The following NSMCE2 variants were observed in gnomAD, a reference collection of about 807,000 sequenced individuals.
NSMCE2 encodes E3 SUMO-protein ligase NSE2.
NSMCE2 carries 24 observed loss-of-function variants against 23.8 expected under a neutral mutation model. The ratio of observed to expected loss-of-function variants is 1.01; its 90% CI spans 0.73 to 1.42. The LOEUF is 1.42. Among genes scored for constraint, NSMCE2 ranks in the 40% most tolerant of loss-of-function variants. NSMCE2 has a pLI of 0.00. For missense variants in NSMCE2, 284 were observed against 296.5 expected (o/e 0.96, Z 0.31); for synonymous variants, 92 against 94.1 (o/e 0.98, Z 0.13).
At chr8:125,207,721 G>A (rs542818843) in intron 5 of NSMCE2, among the ~76,000 whole-genome samples, 6 of 152,288 alleles carry the variant, frequency 3.9e-5, no homozygotes, top group East Asian at 3.9e-4. Flanking sequence ...GTCTTCTGCC[G>A]GTTAGGAGGG....
chr8:125,356,839 CTT>C (rs1049955099), intron 5 of NSMCE2, among the ~76,000 whole-genome samples: 9 of 152,152 alleles, frequency 5.9e-5, no homozygotes, highest in Admixed American at 5.2e-4. Flanking sequence ...TTCTTCATCT[CTT>C]TTAATCTTTG....
At chr8:125,191,406 T>C (rs1358175402) in intron 5 of NSMCE2, among the ~76,000 whole-genome samples, 2 of 152,060 alleles carry the variant, frequency 1.3e-5, no homozygotes, top group African/African-American at 4.8e-5. Context: ...CATTCATTTC[T>C]TGGAAAAAAA....
chr8:125,102,694 A>G (rs1430912744), intron 3 of NSMCE2, among the ~76,000 whole-genome samples: 1 of 152,200 alleles, frequency 6.6e-6, no homozygotes. Flanking sequence ...GTTAAGTTCC[A>G]TGAGAAACTG....
chr8:125,178,230 TA>T (rs1215424773), intron 4 of NSMCE2, among the ~76,000 whole-genome samples: 1 of 152,190 alleles, frequency 6.6e-6, no homozygotes, highest in Non-Finnish European at 1.5e-5. Flanking sequence ...CTCAGTTCTA[TA>T]ACCTGGCCTC....
intron 4 of NSMCE2, among the ~76,000 whole-genome samples, chr8:125,180,406 A>G (rs1822746180): frequency 6.6e-6 from 1 of 152,244 alleles, no homozygotes; most frequent in South Asian, 2.1e-4. Flanking sequence ...ACTAAAATAT[A>G]AATTTTACAC....
chr8:125,354,709 C>T (rs896621255), intron 5 of NSMCE2, among the ~76,000 whole-genome samples: 2 of 152,202 alleles, frequency 1.3e-5, no homozygotes, highest in African/African-American at 4.8e-5. Flanking sequence ...ATATACCAGT[C>T]TACTCCAAGA....
At chr8:125,206,935 G>A (rs1824140531) in intron 5 of NSMCE2, among the ~76,000 whole-genome samples, 1 of 152,144 alleles carries the variant, frequency 6.6e-6, no homozygotes, top group African/African-American at 2.4e-5. Context: ...CTGCAGTGAG[G>A]GGAGAAGGAC....
chr8:125,355,911 C>G (rs1318623749), intron 5 of NSMCE2, among the ~76,000 whole-genome samples: 2 of 152,104 alleles, frequency 1.3e-5, no homozygotes, highest in Non-Finnish European at 2.9e-5. Context: ...GCAGCTCATG[C>G]TCTGTTCAAA....
chr8:125,298,701 T>TTG (rs1828431901), intron 5 of NSMCE2, among the ~76,000 whole-genome samples: 5 of 151,482 alleles, frequency 3.3e-5, no homozygotes, highest in African/African-American at 9.7e-5. Context: ...TTTTTTGTTT[T>TTG]TTTTTTTTTT....
chr8:125,354,553 C>G (rs1256935070), intron 5 of NSMCE2, among the ~76,000 whole-genome samples: 2 of 152,154 alleles, frequency 1.3e-5, no homozygotes, highest in African/African-American at 4.8e-5. Context: ...TTGTTTAGCT[C>G]TCTGAAAAGC....
chr8:125,157,882 G>A (rs963998351), intron 4 of NSMCE2, among the ~76,000 whole-genome samples: 4 of 152,182 alleles, frequency 2.6e-5, no homozygotes, highest in African/African-American at 4.8e-5. Context: ...ATCAGGATGT[G>A]AATAAGTATA....
chr8:125,221,491 G>A (rs1824859356), intron 5 of NSMCE2, among the ~76,000 whole-genome samples: 1 of 152,194 alleles, frequency 6.6e-6, no homozygotes, highest in South Asian at 2.1e-4. Flanking sequence ...CAGTCCACCT[G>A]CCTCAGCTTC....
intron 3 of NSMCE2, among the ~76,000 whole-genome samples, chr8:125,124,995 A>G (rs370700789): frequency 1.3e-5 from 2 of 151,886 alleles, no homozygotes; most frequent in African/African-American, 2.4e-5. Context: ...GGGTTTCACT[A>G]TGTTGGCCAG....
intron 5 of NSMCE2, among the ~76,000 whole-genome samples, chr8:125,316,552 GTCTT>G (rs1410208668): frequency 2.0e-5 from 3 of 152,104 alleles, no homozygotes; most frequent in East Asian, 1.9e-4. Flanking sequence ...TTGTCTGTCT[GTCTT>G]TCTTTCTTTC....
At chr8:125,201,739 G>A (rs1486291558) in intron 5 of NSMCE2, among the ~76,000 whole-genome samples, 2 of 152,194 alleles carry the variant, frequency 1.3e-5, no homozygotes, top group Non-Finnish European at 1.5e-5. Flanking sequence ...TGTCAGACAG[G>A]GACGTTTAAG....
At chr8:125,267,277 G>C (rs1320429573) in intron 5 of NSMCE2, among the ~76,000 whole-genome samples, 1 of 152,044 alleles carries the variant, frequency 6.6e-6, no homozygotes, top group Non-Finnish European at 1.5e-5. Context: ...CAAATGCTAG[G>C]ATTACAGGCC....
intron 5 of NSMCE2, among the ~76,000 whole-genome samples, chr8:125,256,134 T>G (rs988618488): frequency 6.6e-6 from 1 of 151,892 alleles, no homozygotes; most frequent in Admixed American, 6.6e-5. Context: ...AATACAAAAA[T>G]TAGCTGGGCA....
At chr8:125,234,012 TAAA>T (rs34763403) in intron 5 of NSMCE2, among the ~76,000 whole-genome samples, 1 of 102,184 alleles carries the variant, frequency 9.8e-6, no homozygotes. Context: ...CTGTCTCTAC[TAAA>T]AAAAAAAAAA....
chr8:125,102,503 A>C lies in NSMCE2; in HGVS notation c.157+16A>C. ...GAAAGTCAGAGTAAGTAAAATTAAA[A>C]CCTCTTTTGTGTCTACTTTGAGGTA... On this transcript the variant is annotated intron_variant, in intron 3 of 7. Coordinates refer to ENST00000287437, the MANE Select transcript of NSMCE2 (RefSeq NM_173685.4). 1.2e-6 allele frequency: 2 copies of C among 1,605,724 alleles called. No homozygotes were observed. Among genetic ancestry groups the C allele is most frequent in the South Asian group, 1.1e-5 (1 of 90,790 alleles).
Sources: allele counts gnomAD v4.1 joint callset (sites outside exome capture counted in the v4.1 genomes callset), GRCh38; gene constraint gnomAD v4.1.1; transcripts MANE v1.5; gene names NCBI Gene and HGNC (gene_info 2026-07-23, HGNC 2026-07-21).